Variants in SYT16 observed in about 807,000 individuals in gnomAD.
SYT16 encodes the protein synaptotagmin-16.
A neutral mutation model predicts 61.4 loss-of-function variants in SYT16; 42 were observed. The observed-to-expected ratio is 0.68, with a 90% CI of 0.53 to 0.89. SYT16 has a LOEUF of 0.89. SYT16 is among the 40% of genes least tolerant of loss of function. The pLI, the probability that SYT16 is intolerant of heterozygous loss-of-function variation, is 0.00. For missense variants in SYT16, 804 were observed against 807.3 expected (o/e 1.00, Z 0.05); for synonymous variants, 314 against 302.3 (o/e 1.04, Z -0.40).
At chr14:61,999,686 T>C (rs2052914379) in intron 3 of SYT16, among the ~76,000 whole-genome samples, 2 of 151,868 alleles carry the variant, frequency 1.3e-5, no homozygotes, top group Non-Finnish European at 1.5e-5. Context: ...TTTTCTATTA[T>C]GGATGTATAA....
chr14:62,033,124 C>CTAAATATTGTATTTGATTT (rs1442244043), intron 3 of SYT16, among the ~76,000 whole-genome samples: 4 of 151,652 alleles, frequency 2.6e-5, no homozygotes, highest in Non-Finnish European at 4.4e-5. Flanking sequence ...TAATAGATGG[C>CTAAATATTGTATTTGATTT]TAAATATTGT....
At position 61,996,552 on chromosome 14, in the gene SYT16, C is replaced by G. The variant is rs2052779846; in HGVS notation, c.523+10C>G. 10 of 1,573,798 alleles carry G rather than the reference C, an allele frequency of 6.4e-6. No individual in the cohort carries two copies. Among genetic ancestry groups the G allele is most frequent in the Non-Finnish European group, 8.6e-6 (10 of 1,160,976 alleles). On this transcript the variant is annotated intron_variant, in intron 3 of 7. Coordinates refer to ENST00000683842, the MANE Select transcript of SYT16 (RefSeq NM_001367656.1). ...AATGGAAAAAAGCAAGGTAAGCTAG[C>G]CAGTCATCATTTTCTCTGCGTTCCT...
intron 3 of SYT16, among the ~76,000 whole-genome samples, chr14:62,030,179 A>G (rs2054260089): frequency 6.6e-6 from 1 of 152,218 alleles, no homozygotes; most frequent in African/African-American, 2.4e-5. Flanking sequence ...AAAATATTCA[A>G]TACAAAGCCA....
At position 62,003,095 on chromosome 14, in the gene SYT16, T is replaced by C. The variant is rs555784376; in HGVS notation, c.523+6553T>C. Reference sequence around the variant, plus strand: ...GGATTATGGGAACTGCAATTCAAGATGAGATTTGGGTGGGGACACAGCCAA... The same window carrying C: ...GGATTATGGGAACTGCAATTCAAGACGAGATTTGGGTGGGGACACAGCCAA... On this transcript the variant is annotated intron_variant, in intron 3 of 7. Transcript: ENST00000683842. Among the ~76,000 whole-genome samples, 11 of 152,084 alleles carry C rather than the reference T, an allele frequency of 7.2e-5. No individual in the cohort carries two copies. The East Asian group carries it at 2.1e-3, about 30-fold the overall frequency.
chr14:61,916,431 T>C (rs2140394042), intron 1 of SYT16, among the ~76,000 whole-genome samples: 1 of 152,216 alleles, frequency 6.6e-6, no homozygotes, highest in Non-Finnish European at 1.5e-5. Context: ...CTGGGAGGGC[T>C]TTTTTCCCTG....
intron 3 of SYT16, among the ~76,000 whole-genome samples, chr14:62,007,589 C>G (rs868606861): frequency 6.6e-6 from 1 of 152,048 alleles, no homozygotes; most frequent in Non-Finnish European, 1.5e-5. Context: ...ACGTATTTTG[C>G]AGTTTTGTGT....
chr14:62,034,011 A>C (rs1252843172), intron 3 of SYT16, among the ~76,000 whole-genome samples: 1 of 152,178 alleles, frequency 6.6e-6, no homozygotes, highest in Non-Finnish European at 1.5e-5. Context: ...CAGCTAAATA[A>C]TAAAAAGCCC....
intron 3 of SYT16, among the ~76,000 whole-genome samples, chr14:62,030,680 T>C (rs1439036697): frequency 6.6e-6 from 1 of 152,248 alleles, no homozygotes; most frequent in Non-Finnish European, 1.5e-5. Flanking sequence ...ATTTGGTTAT[T>C]TGTTAATCAC....
At chr14:61,983,062 G>T (rs977904208) in intron 2 of SYT16, among the ~76,000 whole-genome samples, 1 of 152,180 alleles carries the variant, frequency 6.6e-6, no homozygotes, top group East Asian at 1.9e-4. Context: ...GCAAGGAAAA[G>T]AAATATTTGT....
chr14:62,050,325 G>C (rs2055215558), intron 3 of SYT16, among the ~76,000 whole-genome samples: 1 of 152,114 alleles, frequency 6.6e-6, no homozygotes, highest in Non-Finnish European at 1.5e-5. Flanking sequence ...AGCTCCATCA[G>C]GTCTTTTAAG....
intron 1 of SYT16, among the ~76,000 whole-genome samples, chr14:61,837,055 A>T (rs2046152505): frequency 6.6e-6 from 1 of 152,060 alleles, no homozygotes; most frequent in South Asian, 2.1e-4. Context: ...CCTGCATTTG[A>T]TGAGTTTGAC....
intron 1 of SYT16, among the ~76,000 whole-genome samples, chr14:61,833,098 C>T (rs1328366882): frequency 6.6e-6 from 1 of 152,124 alleles, no homozygotes; most frequent in Non-Finnish European, 1.5e-5. Context: ...TTATTTCAAT[C>T]TCTGTCTGTA....
intron 1 of SYT16, among the ~76,000 whole-genome samples, chr14:61,904,939 A>G (rs772895446): frequency 2.2e-4 from 34 of 152,072 alleles, no homozygotes; most frequent in South Asian, 4.1e-4. Context: ...GATTCACTCA[A>G]AGGAGGTGAA....
At chr14:62,052,026 C>T (rs11850931) in intron 3 of SYT16, among the ~76,000 whole-genome samples, 10,569 of 152,154 alleles carry the variant, frequency 0.069, 484 homozygotes, top group South Asian at 0.22. Context: ...CAGTCTTTAT[C>T]GTCTCTGATT....
chr14:61,895,057 G>A (rs2048278960), intron 1 of SYT16, among the ~76,000 whole-genome samples: 1 of 152,060 alleles, frequency 6.6e-6, no homozygotes, highest in African/African-American at 2.4e-5. Context: ...AGTGCAGAAC[G>A]GCAGAAACAA....
intron 3 of SYT16, among the ~76,000 whole-genome samples, chr14:62,031,060 CAT>C (rs1232642195): frequency 6.6e-6 from 1 of 152,182 alleles, no homozygotes. Flanking sequence ...TTGTAAAGCA[CAT>C]AAGCTATACG....
chr14:61,969,423 G>T (rs2051450766), intron 1 of SYT16, among the ~76,000 whole-genome samples: 1 of 152,104 alleles, frequency 6.6e-6, no homozygotes, highest in Non-Finnish European at 1.5e-5. Context: ...AGGCATACTG[G>T]GTAGTACTTA....
At chr14:62,078,372 C>A (rs1436825048) in intron 5 of SYT16, among the ~76,000 whole-genome samples, 1 of 152,004 alleles carries the variant, frequency 6.6e-6, no homozygotes, top group Non-Finnish European at 1.5e-5. Flanking sequence ...TTGATCTGGG[C>A]TTGGGGGGAG....
At chr14:61,829,812 G>T (rs892289581) in intron 1 of SYT16, among the ~76,000 whole-genome samples, 1 of 151,934 alleles carries the variant, frequency 6.6e-6, no homozygotes, top group Admixed American at 6.6e-5. Context: ...CAGCCACCAC[G>T]CCCAGCTAAT....
Sources: gnomAD v4.1 joint callset for allele counts (sites outside exome capture counted in the v4.1 genomes callset) on GRCh38, gnomAD v4.1.1 for gene constraint, MANE v1.5 for transcripts, NCBI Gene and HGNC (gene_info 2026-07-23, HGNC 2026-07-21) for gene names.